CSMD1: variants seen among roughly 807,000 people sequenced by gnomAD.
The protein encoded by CSMD1 is CUB and Sushi multiple domains 1.
CSMD1 carries 213 observed loss-of-function variants against 417.5 expected under a neutral mutation model. The observed-to-expected ratio is 0.51, with a 90% CI of 0.46 to 0.57. CSMD1 has a LOEUF of 0.57. CSMD1 is among the 20% of genes least tolerant of loss of function. CSMD1 has a pLI of 0.00. For synonymous variants in CSMD1, 2,862 were observed against 1,736.8 expected, an observed-to-expected ratio of 1.65 and a Z score of -16.11; for missense variants, 6,923 against 4,529.7, an observed-to-expected ratio of 1.53 and a Z score of -15.17.
intron 6 of CSMD1, among the ~76,000 whole-genome samples, chr8:3,717,001 G>T (rs13279207): frequency 3.3e-5 from 5 of 151,970 alleles, no homozygotes; most frequent in African/African-American, 1.2e-4. Context: ...GAGGTACAAA[G>T]AACTTAAAAA....
At chr8:3,626,302 C>T (rs73493637) in intron 7 of CSMD1, among the ~76,000 whole-genome samples, 2,764 of 152,250 alleles carry the variant, frequency 0.018, 89 homozygotes, top group African/African-American at 0.064. Context: ...ACTTAAGACT[C>T]AGAAATAGTT....
At chr8:4,657,386 C>G (rs901526220) in intron 1 of CSMD1, among the ~76,000 whole-genome samples, 1 of 152,172 alleles carries the variant, frequency 6.6e-6, no homozygotes, top group Non-Finnish European at 1.5e-5. Flanking sequence ...CCTCTCTTTT[C>G]CTTTCTTTCT....
intron 1 of CSMD1, among the ~76,000 whole-genome samples, chr8:4,729,254 A>C (rs1240229925): frequency 6.6e-6 from 1 of 152,210 alleles, no homozygotes; most frequent in East Asian, 1.9e-4. Context: ...ACGAGGAAAG[A>C]AAATAAGAAT....
At chr8:4,828,864 G>A (rs1311286140) in intron 1 of CSMD1, among the ~76,000 whole-genome samples, 1 of 152,092 alleles carries the variant, frequency 6.6e-6, no homozygotes, top group Non-Finnish European at 1.5e-5. Flanking sequence ...ACCTTCATCA[G>A]AATAATCATG....
At chr8:4,143,371 C>CTT (rs71534385) in intron 3 of CSMD1, among the ~76,000 whole-genome samples, 3 of 112,932 alleles carry the variant, frequency 2.7e-5, no homozygotes, top group African/African-American at 6.2e-5. Flanking sequence ...CGTCTTATCC[C>CTT]TTTTTTTTTT....
chr8:4,309,638 C>G (rs1425732079), intron 3 of CSMD1, among the ~76,000 whole-genome samples: 3 of 152,250 alleles, frequency 2.0e-5, no homozygotes, highest in African/African-American at 4.8e-5. Context: ...AAGGGGCATA[C>G]TGCTACTGAA....
chr8:3,463,227 C>G (rs953669246), intron 12 of CSMD1, among the ~76,000 whole-genome samples: 2 of 152,186 alleles, frequency 1.3e-5, no homozygotes, highest in African/African-American at 2.4e-5. Context: ...CCACTTCCTT[C>G]TCTGCCTTAC....
intron 4 of CSMD1, among the ~76,000 whole-genome samples, chr8:4,004,339 G>C (rs909633253): frequency 1.3e-5 from 2 of 151,600 alleles, no homozygotes; most frequent in South Asian, 2.1e-4. Context: ...GTGTTTCTGA[G>C]AGAGTATATC....
Position 4,167,800 on chromosome 8 carries a change from G to C in CSMD1, c.416-135701C>G, listed in dbSNP as rs190457230. ...AGTTCAGGAGTTTGAGACTAGCCTG[G>C]GCAACATACTCAGACTCCATCTCTA... On this transcript the variant is annotated intron_variant, in intron 3 of 69. Transcript: ENST00000635120. 5.8e-4 allele frequency among the ~76,000 whole-genome samples: 88 copies of C among 152,138 alleles called. 1 individual carries two copies. In the East Asian group the frequency reaches 6.0e-3, roughly 10 times the overall value.
intron 2 of CSMD1, among the ~76,000 whole-genome samples, chr8:4,623,801 T>A (rs376719603): frequency 2.6e-5 from 4 of 152,020 alleles, no homozygotes; most frequent in African/African-American, 9.7e-5. Context: ...AACTAATTCA[T>A]AGTGACAGAA....
intron 2 of CSMD1, among the ~76,000 whole-genome samples, chr8:4,472,826 T>C (rs936382129): frequency 3.9e-5 from 6 of 152,040 alleles, no homozygotes; most frequent in African/African-American, 1.4e-4. Context: ...ATTTGGTATA[T>C]ATACCCTTTC....
chr8:4,419,178 T>C (rs1044180407), intron 3 of CSMD1, among the ~76,000 whole-genome samples: 5 of 152,162 alleles, frequency 3.3e-5, no homozygotes, highest in African/African-American at 1.2e-4. Context: ...CCCCTAACGA[T>C]AGATTGCTTT....
At chr8:4,139,592 G>C (rs972198098) in intron 3 of CSMD1, among the ~76,000 whole-genome samples, 3 of 151,186 alleles carry the variant, frequency 2.0e-5, no homozygotes, top group Non-Finnish European at 4.4e-5. Context: ...AACTGAGTGG[G>C]CATCAAGGGG....
intron 10 of CSMD1, among the ~76,000 whole-genome samples, chr8:3,545,359 C>T (rs1038330029): frequency 6.6e-6 from 1 of 152,266 alleles, no homozygotes; most frequent in Middle Eastern, 3.4e-3. Context: ...CAATACTTAA[C>T]ATATTCTTCT....
intron 40 of CSMD1, among the ~76,000 whole-genome samples, chr8:3,146,294 C>G (rs745366894): frequency 1.3e-5 from 2 of 151,938 alleles, no homozygotes; most frequent in Non-Finnish European, 2.9e-5. Flanking sequence ...TGGTTGAGCT[C>G]TGCCAGAGCA....
chr8:4,454,026 G>A (rs891446549), intron 2 of CSMD1, among the ~76,000 whole-genome samples: 18 of 151,814 alleles, frequency 1.2e-4, no homozygotes, highest in African/African-American at 4.3e-4. Context: ...GTTTCACCGT[G>A]TTAGCCGGGA....
At chr8:4,220,917 T>G (rs868840809) in intron 3 of CSMD1, among the ~76,000 whole-genome samples, 4 of 152,298 alleles carry the variant, frequency 2.6e-5, no homozygotes, top group Middle Eastern at 6.8e-3. Context: ...GGCTTCCTGA[T>G]AGAACATGTG....
intron 48 of CSMD1, among the ~76,000 whole-genome samples, chr8:3,088,576 G>C (rs573365622): frequency 1.3e-5 from 2 of 152,076 alleles, no homozygotes; most frequent in South Asian, 4.2e-4. Context: ...ATGTTCCTAC[G>C]AGAAGTGTCC....
At chr8:4,184,508 A>T (rs1425563508) in intron 3 of CSMD1, among the ~76,000 whole-genome samples, 1 of 152,216 alleles carries the variant, frequency 6.6e-6, no homozygotes. Context: ...TGGCATGTAT[A>T]CACCATGGAA....
Sources: allele counts gnomAD v4.1 joint callset (sites outside exome capture counted in the v4.1 genomes callset), GRCh38; gene constraint gnomAD v4.1.1; transcripts MANE v1.5; gene names NCBI Gene and HGNC (gene_info 2026-07-23, HGNC 2026-07-21).